Variants in TRPM3 observed in about 807,000 individuals in gnomAD.
TRPM3 encodes long transient receptor potential channel 3.
In TRPM3, 77 loss-of-function variants were observed where a neutral mutation model predicts 181.2. That is an observed-to-expected ratio of 0.42 (90% CI 0.35 to 0.51). The LOEUF (loss-of-function observed/expected upper bound fraction) is 0.51. TRPM3 is among the 20% of genes least tolerant of loss of function. TRPM3 has a pLI of 0.01. For synonymous variants in TRPM3, 745 were observed against 796.4 expected, an observed-to-expected ratio of 0.94 and a Z score of 1.09; for missense variants, 1,759 against 2,196.7, an observed-to-expected ratio of 0.80 and a Z score of 3.98.
chr9:71,258,496 A>G lies in TRPM3; in HGVS notation c.183+188157T>C, dbSNP rs137977815. 2.4e-4 allele frequency among the ~76,000 whole-genome samples: 37 copies of G among 152,260 alleles called. No individual in the cohort carries two copies. The East Asian group carries it at 3.3e-3, about 14-fold the overall frequency. ...GAATGAATTCTCTCTTGTATCTCAT[A>G]TTATTTTCCTACTTGAAAAGTGAAT... On this transcript the variant is annotated intron_variant, in intron 1 of 24. Transcript: ENST00000357533.
At chr9:71,421,374 A>T (rs11142820) in intron 1 of TRPM3, among the ~76,000 whole-genome samples, 4,896 of 150,962 alleles carry the variant, frequency 0.032, 224 homozygotes, top group East Asian at 0.22. Context: ...GTTGAAATTT[A>T]AAAAAAAAGG....
chr9:71,177,326 T>A (rs886442985), intron 1 of TRPM3, among the ~76,000 whole-genome samples: 2 of 152,092 alleles, frequency 1.3e-5, no homozygotes, highest in African/African-American at 4.8e-5. Flanking sequence ...ATAAATGTAA[T>A]GCTCTTGAAT....
chr9:71,289,803 G>A (rs1399046112), intron 1 of TRPM3, among the ~76,000 whole-genome samples: 1 of 140,136 alleles, frequency 7.1e-6, no homozygotes, highest in East Asian at 2.3e-4. Context: ...AGGAGGTGGA[G>A]GTTGCAGTGA....
At chr9:70,589,771 C>T (rs899952167) in intron 22 of TRPM3, among the ~76,000 whole-genome samples, 12 of 152,168 alleles carry the variant, frequency 7.9e-5, no homozygotes, top group South Asian at 4.1e-4. Flanking sequence ...CCTTAGATAA[C>T]GCATTTTGAG....
At chr9:70,740,300 A>C (rs2073786844) in intron 8 of TRPM3, among the ~76,000 whole-genome samples, 1 of 152,252 alleles carries the variant, frequency 6.6e-6, no homozygotes, top group East Asian at 1.9e-4. Context: ...ACTACAAAAC[A>C]CCGCTGAAAG....
At chr9:70,696,007 G>C (rs1354524019) in intron 8 of TRPM3, among the ~76,000 whole-genome samples, 1 of 152,170 alleles carries the variant, frequency 6.6e-6, no homozygotes, top group African/African-American at 2.4e-5. Context: ...TAAGAGACCA[G>C]ACAGAGACTC....
At chr9:71,282,056 A>T (rs975348836) in intron 1 of TRPM3, among the ~76,000 whole-genome samples, 2 of 107,354 alleles carry the variant, frequency 1.9e-5, no homozygotes, top group African/African-American at 7.8e-5. Flanking sequence ...GGCAAAACAG[A>T]AAGAGAGAAA....
At chr9:70,557,081 G>A (rs2131932272) in intron 22 of TRPM3, among the ~76,000 whole-genome samples, 1 of 152,244 alleles carries the variant, frequency 6.6e-6, no homozygotes, top group African/African-American at 2.4e-5. Context: ...CTGAATACAG[G>A]GTATATTGGG....
Position 71,121,210 on chromosome 9 carries a change from C to G in TRPM3, c.145G>C (p.Ala49Pro). 6.2e-7 allele frequency: 1 copy of G among 1,613,952 alleles called. No homozygotes were observed. Reference protein sequence around the residue: ...LNWTIRKLCHAAFLPSVRLLK... With the variant: ...LNWTIRKLCHPAFLPSVRLLK... ...AGTCTGACAGATGGAAGAAAGGCTG[C>G]GTGGCACAGCTTCCGGATGGTCCAG... Residue 49 changes from alanine (A) to proline (P), a missense_variant, in exon 1 of 26, where the codon GCA becomes CCA. Transcript: ENST00000677713.
At chr9:71,254,546 G>T (rs1170024562) in intron 1 of TRPM3, among the ~76,000 whole-genome samples, 1 of 152,110 alleles carries the variant, frequency 6.6e-6, no homozygotes, top group Non-Finnish European at 1.5e-5. Context: ...GCTCAAATTA[G>T]CCATTCCACA....
chr9:71,169,796 T>C (rs2076749735), intron 1 of TRPM3, among the ~76,000 whole-genome samples: 1 of 151,590 alleles, frequency 6.6e-6, no homozygotes, highest in Non-Finnish European at 1.5e-5. Flanking sequence ...CTCGGTTTAG[T>C]ATAAAAATAT....
At chr9:71,041,646 A>G (rs1024142917) in intron 1 of TRPM3, among the ~76,000 whole-genome samples, 1 of 152,160 alleles carries the variant, frequency 6.6e-6, no homozygotes, top group African/African-American at 2.4e-5. Context: ...CATTCACAAA[A>G]AGGTTTAGTT....
chr9:70,660,155 A>G (rs2060920833), intron 9 of TRPM3, among the ~76,000 whole-genome samples: 1 of 152,248 alleles, frequency 6.6e-6, no homozygotes, highest in Non-Finnish European at 1.5e-5. Context: ...TCTCCAAAAG[A>G]TTTTAAAAAA....
At chr9:71,367,573 G>C (rs958288376) in intron 1 of TRPM3, among the ~76,000 whole-genome samples, 2 of 152,090 alleles carry the variant, frequency 1.3e-5, no homozygotes, top group Admixed American at 6.5e-5. Flanking sequence ...TCTGAGCTGT[G>C]GTTATGATTT....
chr9:70,942,784 G>A, intron 1 of TRPM3, among the ~76,000 whole-genome samples: 1 of 152,114 alleles, frequency 6.6e-6, no homozygotes, highest in East Asian at 1.9e-4. Flanking sequence ...TTTGACCAGG[G>A]TTTCTCAAAT....
intron 1 of TRPM3, among the ~76,000 whole-genome samples, chr9:71,036,429 T>G (rs763995343): frequency 1.3e-5 from 2 of 152,184 alleles, no homozygotes; most frequent in Non-Finnish European, 2.9e-5. Context: ...ACATATAAAC[T>G]CAGCACAACC....
In TRPM3 at chr9:70,655,894, T is replaced by C. The variant is rs189764844; in HGVS notation, c.1346-15234A>G. Among the ~76,000 whole-genome samples the C allele has an allele frequency of 3.3e-5, 5 of 152,342 alleles. No individual in the cohort carries two copies. The East Asian group carries it at 9.6e-4, about 29-fold the overall frequency. On this transcript the variant is annotated intron_variant, in intron 9 of 25. Transcript: ENST00000677713. ...AAGCTCTTTTTGAATCTATAAGATA[T>C]ATTTCTATTGGCATGCCTAATACCT...
At chr9:71,016,366 T>A (rs901437626) in intron 1 of TRPM3, among the ~76,000 whole-genome samples, 2 of 151,994 alleles carry the variant, frequency 1.3e-5, no homozygotes, top group Non-Finnish European at 1.5e-5. Context: ...CAAAAATCCA[T>A]CTCCAGAACT....
intron 1 of TRPM3, among the ~76,000 whole-genome samples, chr9:71,250,294 T>G (rs1227920119): frequency 1.3e-5 from 2 of 152,194 alleles, no homozygotes; most frequent in African/African-American, 4.8e-5. Context: ...GTTGGGATCG[T>G]AAGTTTTTAT....
Sources: allele counts gnomAD v4.1 joint callset (sites outside exome capture counted in the v4.1 genomes callset), GRCh38; gene constraint gnomAD v4.1.1; transcripts MANE v1.5; gene names NCBI Gene and HGNC (gene_info 2026-07-23, HGNC 2026-07-21).